The following DLGAP1 variants were observed in gnomAD, a reference collection of about 807,000 sequenced individuals.
DLGAP1 encodes DLG associated protein 1, also known as disks large-associated protein 1.
Under a neutral mutation model 90.8 loss-of-function variants are expected in DLGAP1, and 11 were observed. That is an observed-to-expected ratio of 0.12 (90% CI 0.08 to 0.20). DLGAP1 has a LOEUF of 0.20. DLGAP1 is among the 10% of genes least tolerant of loss of function. The probability of loss-of-function intolerance (pLI) is 1.00; values close to 1 mark genes in which losing one functional copy is unlikely to be tolerated. For synonymous variants in DLGAP1, 558 were observed against 540.7 expected, an observed-to-expected ratio of 1.03 and a Z score of -0.44; for missense variants, 1,050 against 1,333.8, an observed-to-expected ratio of 0.79 and a Z score of 3.31.
At chr18:4,044,657 C>T (rs1394419793) in intron 2 of DLGAP1, among the ~76,000 whole-genome samples, 5 of 152,142 alleles carry the variant, frequency 3.3e-5, no homozygotes, top group Non-Finnish European at 7.4e-5. Context: ...AGGAGAATTG[C>T]TTGAACCCAG....
In DLGAP1 at chr18:4,167,849, G is replaced by A. The variant is rs4798188; in HGVS notation, c.-266-16562C>T. ...AAAGCACAGTATAATTTCAAATGCTGCAAAGAAAATGAAGTACCTAGGTAC... is the reference window on the plus strand; with the variant it reads ...AAAGCACAGTATAATTTCAAATGCTACAAAGAAAATGAAGTACCTAGGTAC... On this transcript the variant is annotated intron_variant, in intron 1 of 12. Transcript: ENST00000315677. Among the ~76,000 whole-genome samples the A allele has an allele frequency of 3.6e-4, 55 of 152,186 alleles. 1 individual carries two copies. The highest frequency in any genetic ancestry group is 1.3e-3 in the African/African-American group (54 of 41,538).
At chr18:4,116,313 T>A (rs898117604) in intron 2 of DLGAP1, among the ~76,000 whole-genome samples, 1 of 152,222 alleles carries the variant, frequency 6.6e-6, no homozygotes, top group Non-Finnish European at 1.5e-5. Context: ...CTATAATGTG[T>A]CCGAGCGTGA....
chr18:3,741,197 CCAA>C (rs1342918184), intron 6 of DLGAP1, among the ~76,000 whole-genome samples: 85 of 110,028 alleles, frequency 7.7e-4, no homozygotes, highest in Non-Finnish European at 1.3e-3. Flanking sequence ...ACCACCACCA[CCAA>C]ATCACCACCA....
At chr18:4,027,702 G>A (rs191167732) in intron 2 of DLGAP1, among the ~76,000 whole-genome samples, 63 of 152,078 alleles carry the variant, frequency 4.1e-4, no homozygotes, top group African/African-American at 1.4e-3. Context: ...AGATTCCCTT[G>A]TTATATAAAA....
chr18:3,795,042 T>C (rs2065918928), intron 5 of DLGAP1, among the ~76,000 whole-genome samples: 1 of 152,218 alleles, frequency 6.6e-6, no homozygotes, highest in Non-Finnish European at 1.5e-5. Flanking sequence ...AGGGAGAATG[T>C]AACTGAAGCC....
At chr18:3,917,769 C>T (rs967142733) in intron 3 of DLGAP1, among the ~76,000 whole-genome samples, 16 of 151,900 alleles carry the variant, frequency 1.1e-4, no homozygotes, top group African/African-American at 3.1e-4. Flanking sequence ...TCTGCTAGAG[C>T]GATAATGATC....
Position 3,729,423 on chromosome 18 carries a change from G to T in DLGAP1, c.1351-48C>A. 1 of 1,581,790 alleles carries T rather than the reference G, an allele frequency of 6.3e-7. No homozygotes were observed. The highest frequency in any genetic ancestry group is 1.2e-5 in the South Asian group (1 of 86,696). On this transcript the variant is annotated intron_variant, in intron 6 of 12. Transcript: ENST00000315677. This position sits in a 1 kb window ranked among gnomAD's most constrained non-coding sequence, Gnocchi z 6.2. ...TGACACTCGCCTCCACCTGGTGGAGGATCAACCTCTCCAAGCATCTGCGAA... is the reference window on the plus strand; with the variant it reads ...TGACACTCGCCTCCACCTGGTGGAGTATCAACCTCTCCAAGCATCTGCGAA...
chr18:4,395,946 T>G (rs553781501), intron 1 of DLGAP1, among the ~76,000 whole-genome samples: 33 of 152,006 alleles, frequency 2.2e-4, no homozygotes, highest in East Asian at 1.9e-4. Context: ...AGTGACAGAG[T>G]CTACCTGAAG....
At position 4,254,917 on chromosome 18, in the gene DLGAP1, A is replaced by G. The variant is rs559331366; in HGVS notation, c.-266-103630T>C. ...AAGACAGTCTGTAGTAAGGTGCTAA[A>G]CTGTATGCAACAGAATGGAGTTCAA... On this transcript the variant is annotated intron_variant, in intron 1 of 12. Coordinates refer to ENST00000315677, the MANE Select transcript of DLGAP1 (RefSeq NM_004746.4). Among the ~76,000 whole-genome samples the G allele has an allele frequency of 2.6e-5, 4 of 152,286 alleles. 1 individual carries two copies. The South Asian group carries it at 8.3e-4, about 32-fold the overall frequency.
At chr18:3,852,561 G>C (rs919905874) in intron 4 of DLGAP1, among the ~76,000 whole-genome samples, 1 of 152,162 alleles carries the variant, frequency 6.6e-6, no homozygotes, top group Non-Finnish European at 1.5e-5. Context: ...TGAATCAACA[G>C]AGAAATGTCG....
intron 2 of DLGAP1, among the ~76,000 whole-genome samples, chr18:4,052,645 C>A (rs1006221589): frequency 1.3e-5 from 2 of 152,212 alleles, no homozygotes; most frequent in African/African-American, 2.4e-5. Flanking sequence ...TAACATTTGA[C>A]TCCTCATTAC....
intron 6 of DLGAP1, among the ~76,000 whole-genome samples, chr18:3,741,649 C>T (rs2063051245): frequency 5.3e-5 from 8 of 152,048 alleles, no homozygotes; most frequent in Admixed American, 5.2e-4. Flanking sequence ...ACCAACATCA[C>T]CACTATGGTC....
At chr18:3,528,380 T>C (rs1342565704) in intron 10 of DLGAP1, among the ~76,000 whole-genome samples, 1 of 152,126 alleles carries the variant, frequency 6.6e-6, no homozygotes, top group Non-Finnish European at 1.5e-5. Flanking sequence ...AGAGAATTGG[T>C]GAAACAAAGG....
At position 3,958,150 on chromosome 18, in the gene DLGAP1, C is replaced by G. The variant is rs1257097888; in HGVS notation, c.-73+46966G>C. ...CTCAGGTGGTTCGAAGTGGGCAGAT[C>G]TGCCCGCCTCGGCCTCTCAAAGTGC... On this transcript the variant is annotated intron_variant, in intron 3 of 12. Coordinates refer to ENST00000315677, the MANE Select transcript of DLGAP1 (RefSeq NM_004746.4). Among the ~76,000 whole-genome samples the G allele has an allele frequency of 5.7e-4, 86 of 152,040 alleles. 1 individual carries two copies. Among genetic ancestry groups the G allele is most frequent in the Admixed American group, 5.4e-3 (83 of 15,272 alleles).
intron 7 of DLGAP1, among the ~76,000 whole-genome samples, chr18:3,600,977 T>TATAGATAG (rs1240869044): frequency 9.1e-6 from 1 of 109,950 alleles, no homozygotes; most frequent in African/African-American, 3.6e-5. Context: ...TAGATAGATA[T>TATAGATAG]ATAGATATAG....
At chr18:4,306,456 TGTGTGTGA>T (rs139159074) in intron 1 of DLGAP1, among the ~76,000 whole-genome samples, 10,416 of 72,880 alleles carry the variant, frequency 0.14, 456 homozygotes, top group Middle Eastern at 0.23. Flanking sequence ...TGTGTGTGTG[TGTGTGTGA>T]GAGAGAGAGA....
At chr18:3,619,389 G>A (rs1169255465) in intron 7 of DLGAP1, among the ~76,000 whole-genome samples, 1 of 152,216 alleles carries the variant, frequency 6.6e-6, no homozygotes, top group African/African-American at 2.4e-5. Context: ...GCAGTGCTGG[G>A]GGCTGGGCAG....
At chr18:3,657,769 A>T (rs1159358234) in intron 7 of DLGAP1, among the ~76,000 whole-genome samples, 2 of 151,158 alleles carry the variant, frequency 1.3e-5, no homozygotes, top group Non-Finnish European at 3.0e-5. Context: ...CACCCGGCTA[A>T]TTTTTTTTGT....
At chr18:4,197,727 T>C (rs2077527606) in intron 1 of DLGAP1, among the ~76,000 whole-genome samples, 1 of 152,156 alleles carries the variant, frequency 6.6e-6, no homozygotes. Flanking sequence ...GGCTGGAATT[T>C]CCAAAAGAGG....
Sources: gnomAD v4.1 joint callset for allele counts (sites outside exome capture counted in the v4.1 genomes callset) on GRCh38, gnomAD v4.1.1 for gene constraint, Gnocchi (gnomAD v3.1) non-coding constraint, MANE v1.5 for transcripts, NCBI Gene and HGNC (gene_info 2026-07-23, HGNC 2026-07-21) for gene names.